Variants in DAB1 observed in about 807,000 individuals in gnomAD.
The protein encoded by DAB1 is disabled homolog 1.
A neutral mutation model predicts 64.6 loss-of-function variants in DAB1; 15 were observed. That is an observed-to-expected ratio of 0.23 (90% CI 0.16 to 0.36). DAB1 has a LOEUF of 0.36. Ranked by LOEUF, DAB1 falls within the 10% of genes least tolerant of loss-of-function variation. The probability of loss-of-function intolerance (pLI) is 1.00; values close to 1 mark genes in which losing one functional copy is unlikely to be tolerated. For synonymous variants in DAB1, 235 were observed against 251.9 expected, an observed-to-expected ratio of 0.93 and a Z score of 0.64; for missense variants, 596 against 706.7, an observed-to-expected ratio of 0.84 and a Z score of 1.78.
At chr1:58,538,174 G>C (rs1316042973) in intron 1 of DAB1, among the ~76,000 whole-genome samples, 2 of 152,188 alleles carry the variant, frequency 1.3e-5, no homozygotes, top group African/African-American at 4.8e-5. Context: ...ACAGTGATTA[G>C]CTTTCTTCCA....
At chr1:57,377,047 A>C (rs1449799876) in intron 1 of DAB1, among the ~76,000 whole-genome samples, 2 of 152,328 alleles carry the variant, frequency 1.3e-5, no homozygotes, top group East Asian at 3.9e-4. Context: ...AGGTGGGCAG[A>C]TCACTTGAGT....
intron 5 of DAB1, among the ~76,000 whole-genome samples, chr1:57,980,758 G>C (rs1293703205): frequency 6.6e-6 from 1 of 152,056 alleles, no homozygotes; most frequent in Non-Finnish European, 1.5e-5. Context: ...TGTAAGTGGA[G>C]GGAATTTCTG....
chr1:58,077,068 G>C (rs911042514), intron 5 of DAB1, among the ~76,000 whole-genome samples: 4 of 152,050 alleles, frequency 2.6e-5, no homozygotes, highest in African/African-American at 9.7e-5. Context: ...GCTGAGTTCT[G>C]GTGGGGTTGA....
intron 5 of DAB1, among the ~76,000 whole-genome samples, chr1:57,928,386 C>T (rs1246963731): frequency 6.6e-6 from 1 of 151,896 alleles, no homozygotes; most frequent in Non-Finnish European, 1.5e-5. Flanking sequence ...GTATAGCCAC[C>T]CCCATTATCA....
intron 9 of DAB1, among the ~76,000 whole-genome samples, chr1:57,055,254 T>C (rs1255599039): frequency 1.3e-5 from 2 of 152,202 alleles, no homozygotes; most frequent in Non-Finnish European, 2.9e-5. Flanking sequence ...GATTAATCCT[T>C]ATATTGGCTC....
chr1:57,462,574 G>T (rs1383605987), intron 7 of DAB1, among the ~76,000 whole-genome samples: 2 of 152,118 alleles, frequency 1.3e-5, no homozygotes, highest in Non-Finnish European at 2.9e-5. Flanking sequence ...ACTGACAACT[G>T]CCAGGTGCTT....
intron 1 of DAB1, among the ~76,000 whole-genome samples, chr1:57,856,075 G>C (rs1653739091): frequency 6.6e-6 from 1 of 152,164 alleles, no homozygotes; most frequent in African/African-American, 2.4e-5. Context: ...ACTTGGGTCT[G>C]AGCTGCTACT....
intron 6 of DAB1, among the ~76,000 whole-genome samples, chr1:57,766,828 T>C (rs968058457): frequency 8.6e-6 from 1 of 116,088 alleles, no homozygotes; most frequent in African/African-American, 2.9e-5. Context: ...TCTGTCTAAC[T>C]TGGATACAAA....
intron 1 of DAB1, among the ~76,000 whole-genome samples, chr1:57,413,454 A>G (rs1684262106): frequency 6.6e-6 from 1 of 152,154 alleles, no homozygotes; most frequent in African/African-American, 2.4e-5. Flanking sequence ...AGAATTCATC[A>G]TTCGTGGCCC....
chr1:57,424,833 G>T (rs180980444), upstream of DAB1, among the ~76,000 whole-genome samples: 1 of 152,128 alleles, frequency 6.6e-6, no homozygotes, highest in African/African-American at 2.4e-5. Flanking sequence ...CCTCAGGAGA[G>T]ACCCGTGCCC....
intron 5 of DAB1, among the ~76,000 whole-genome samples, chr1:58,118,503 T>TATATATATACACACACACAC (rs1341446315): frequency 9.4e-5 from 5 of 53,106 alleles, no homozygotes; most frequent in Non-Finnish European, 1.2e-4. Flanking sequence ...TATATATATA[T>TATATATATACACACACACAC]ACACACACAC....
At chr1:58,336,972 C>G (rs1663132934) in intron 4 of DAB1, among the ~76,000 whole-genome samples, 1 of 152,018 alleles carries the variant, frequency 6.6e-6, no homozygotes, top group South Asian at 2.1e-4. Flanking sequence ...TAAATAAAAG[C>G]AAATGCCAGG....
chr1:57,388,620 G>T (rs1009695923), intron 1 of DAB1, among the ~76,000 whole-genome samples: 1 of 152,034 alleles, frequency 6.6e-6, no homozygotes, highest in African/African-American at 2.4e-5. Context: ...TACCTTTTCT[G>T]CTTTAGTCTG....
At chr1:58,204,470 GT>G (rs1658157597) in intron 4 of DAB1, among the ~76,000 whole-genome samples, 1 of 152,162 alleles carries the variant, frequency 6.6e-6, no homozygotes, top group Admixed American at 6.5e-5. Context: ...CTTGAGAGGT[GT>G]TCCCCAGAAG....
chr1:57,550,353 C>T (rs760846960), intron 7 of DAB1, among the ~76,000 whole-genome samples: 47 of 152,282 alleles, frequency 3.1e-4, no homozygotes, highest in Middle Eastern at 3.4e-3. Flanking sequence ...AGGACTCCTA[C>T]GTGGACAGGG....
intron 1 of DAB1, among the ~76,000 whole-genome samples, chr1:57,381,232 A>G (rs925256002): frequency 6.6e-6 from 1 of 152,146 alleles, no homozygotes. Flanking sequence ...GCTCTGATTT[A>G]CCTTATTTTT....
intron 4 of DAB1, among the ~76,000 whole-genome samples, chr1:57,074,316 C>G (rs1270058297): frequency 6.6e-6 from 1 of 152,146 alleles, no homozygotes; most frequent in African/African-American, 2.4e-5. Context: ...TAGACAGATT[C>G]TTCCCCATTA....
At chr1:57,093,841 C>T (rs576830883) in intron 4 of DAB1, among the ~76,000 whole-genome samples, 69 of 152,160 alleles carry the variant, frequency 4.5e-4, no homozygotes, top group Admixed American at 1.5e-3. Flanking sequence ...TGGTTGGGTG[C>T]GGTGGCTCAC....
At chr1:57,059,811 G>A (rs1348135540) in intron 9 of DAB1, among the ~76,000 whole-genome samples, 1 of 152,140 alleles carries the variant, frequency 6.6e-6, no homozygotes. Context: ...GTAGGAAGAG[G>A]AGCTCAGATT....
Sources: allele counts gnomAD v4.1 joint callset (sites outside exome capture counted in the v4.1 genomes callset), GRCh38; gene constraint gnomAD v4.1.1; transcripts MANE v1.5; gene names NCBI Gene and HGNC (gene_info 2026-07-23, HGNC 2026-07-21).